AKAP13: variants seen among roughly 807,000 people sequenced by gnomAD.
AKAP13 encodes A-kinase anchoring protein 13.
Under a neutral mutation model 264.5 loss-of-function variants are expected in AKAP13, and 80 were observed. The ratio of observed to expected loss-of-function variants is 0.30; its 90% CI spans 0.25 to 0.36. The LOEUF (loss-of-function observed/expected upper bound fraction) is 0.36. Among genes scored for constraint, AKAP13 ranks in the 10% least tolerant of loss-of-function variants. The pLI is 1.00. For missense variants in AKAP13, 3,712 were observed against 3,435.2 expected (o/e 1.08, Z -2.01); for synonymous variants, 1,380 against 1,250.2 (o/e 1.10, Z -2.19).
At position 85,562,575 on chromosome 15, in the gene AKAP13, ATATATAT is replaced by A. The variant is rs1289541931; in HGVS notation, c.663-12555_663-12549del. On this transcript the variant is annotated intron_variant, in intron 5 of 36. Transcript: ENST00000394518. ...GTGAGAATCTGCCTCAAAAAAAAAA[ATATATAT>A]ATATATATATATATATATATATATC... is the stretch of plus-strand genomic sequence containing the variant. Among the ~76,000 whole-genome samples, 280 of 101,348 alleles carry A rather than the reference ATATATAT, an allele frequency of 2.8e-3. 1 individual carries two copies. The highest frequency in any genetic ancestry group is 6.1e-3 in the Middle Eastern group (1 of 164). The allele number at this position is 101,348 out of a possible 152,430, so 66.5% of individuals were successfully genotyped here.
At chr15:85,513,134 T>A (rs1279944832) in intron 2 of AKAP13, among the ~76,000 whole-genome samples, 2 of 152,160 alleles carry the variant, frequency 1.3e-5, no homozygotes, top group East Asian at 3.9e-4. Context: ...AATTTTAGTT[T>A]AGTGATAAAA....
intron 2 of AKAP13, among the ~76,000 whole-genome samples, chr15:85,516,815 CA>C (rs2076618650): frequency 6.6e-6 from 1 of 152,126 alleles, no homozygotes; most frequent in African/African-American, 2.4e-5. Flanking sequence ...ACAGATTTGA[CA>C]AGAGATGTGA....
intron 1 of AKAP13, among the ~76,000 whole-genome samples, chr15:85,427,765 G>A (rs967678595): frequency 9.9e-5 from 15 of 152,148 alleles, no homozygotes; most frequent in African/African-American, 3.6e-4. Context: ...TGGTTTAAGT[G>A]GAGCTTTTAG....
intron 26 of AKAP13, among the ~76,000 whole-genome samples, chr15:85,723,602 G>A (rs2087426625): frequency 6.6e-6 from 1 of 152,194 alleles, no homozygotes; most frequent in African/African-American, 2.4e-5. Flanking sequence ...TAAGATTGGT[G>A]CACATATGCA....
chr15:85,564,274 C>T (rs1041440571), intron 5 of AKAP13, among the ~76,000 whole-genome samples: 25 of 152,142 alleles, frequency 1.6e-4, no homozygotes, highest in Non-Finnish European at 1.5e-4. Context: ...AAGAAACGTG[C>T]AATGAACTCC....
In AKAP13 at chr15:85,414,026, A is replaced by T. The variant is rs77666369; in HGVS notation, c.-12+33228A>T. Among the ~76,000 whole-genome samples the T allele has an allele frequency of 1.3e-3, 194 of 152,294 alleles. 7 individuals are homozygous for T. The East Asian group carries it at 0.035, about 27-fold the overall frequency. ...TACCACCTCAGTGGAAATGGAAATG[A>T]GAGTACCTGTTATAGCCTGAAAAGC... is the stretch of plus-strand genomic sequence containing the variant. On this transcript the variant is annotated intron_variant, in intron 1 of 36. Coordinates refer to ENST00000394518, the MANE Select transcript of AKAP13 (RefSeq NM_007200.5).
At chr15:85,615,800 G>T (rs573169076) in intron 8 of AKAP13, among the ~76,000 whole-genome samples, 11 of 152,292 alleles carry the variant, frequency 7.2e-5, no homozygotes, top group Admixed American at 1.3e-4. Flanking sequence ...TATGGCATGT[G>T]ATAACTTCCT....
rs775672336 is a variant in AKAP13 at position 85,639,474 on chromosome 15, T to C, written c.4237+25T>C. 1.1e-5 allele frequency: 17 copies of C among 1,566,864 alleles called. 1 individual carries two copies. The Admixed American group carries it at 2.7e-4, about 25-fold the overall frequency. On this transcript the variant is annotated intron_variant, in intron 9 of 36. Coordinates refer to ENST00000394518, the MANE Select transcript of AKAP13 (RefSeq NM_007200.5). The stretch of plus-strand genomic sequence containing the variant: ...GGTAAGCTGAGATTATCCATTCATT[T>C]TCTGGAGCTGCAGCCCCACTCTGGC...
chr15:85,463,967 A>T (rs747607570), intron 1 of AKAP13, among the ~76,000 whole-genome samples: 25 of 152,308 alleles, frequency 1.6e-4, no homozygotes, highest in Non-Finnish European at 3.2e-4. Flanking sequence ...CTCAACAGCC[A>T]GGTAGTATGT....
Position 85,724,842 on chromosome 15 carries a change from G to T in AKAP13, c.6745+1522G>T, listed in dbSNP as rs1435299073. Among the ~76,000 whole-genome samples the T allele has an allele frequency of 6.6e-6, 1 of 151,890 alleles. No individual in the cohort carries two copies. The highest frequency in any genetic ancestry group is 2.4e-5 in the African/African-American group (1 of 41,336). On this transcript the variant is annotated intron_variant, in intron 26 of 36. Transcript: ENST00000394518. This position sits in a 1 kb window ranked among gnomAD's most constrained non-coding sequence, Gnocchi z 4.2. ...TGTAGCAGAAGGCATAAAAAAGAAGGGCAGAAAAGATTCAGAGAAAGAAAT... is the reference window on the plus strand; with the variant it reads ...TGTAGCAGAAGGCATAAAAAAGAAGTGCAGAAAAGATTCAGAGAAAGAAAT...
rs1241022459 is a variant in AKAP13 at position 85,746,299 on chromosome 15, GTGTGTT to G, written c.*1632_*1637del. On this transcript the variant is annotated 3_prime_UTR_variant, in exon 37 of 37. Coordinates refer to ENST00000394518, the MANE Select transcript of AKAP13 (RefSeq NM_007200.5). ...TACATTTGTTTTATTTATTGTATTT[GTGTGTT>G]TGTGTTTGTTTTTTTTTAAGGGTGA... 4 of 152,326 alleles carry G rather than the reference GTGTGTT, an allele frequency of 2.6e-5. No individual in the cohort carries two copies. Among genetic ancestry groups the G allele is most frequent in the South Asian group, 2.1e-4 (1 of 4,822 alleles). 9.4% of individuals were successfully genotyped at this position (152,326 alleles called of 1,614,324 possible).
At chr15:85,633,902 G>A (rs1432156108) in intron 8 of AKAP13, among the ~76,000 whole-genome samples, 5 of 152,038 alleles carry the variant, frequency 3.3e-5, no homozygotes, top group African/African-American at 1.2e-4. Context: ...TGGATAGGGT[G>A]TTGGTAAAGT....
intron 1 of AKAP13, among the ~76,000 whole-genome samples, chr15:85,392,251 AT>A (rs57208601): frequency 0.013 from 1,408 of 106,318 alleles, 6 homozygotes; most frequent in African/African-American, 0.027. Flanking sequence ...GCCCTTAATA[AT>A]TTTTTTTTTT....
chr15:85,502,569 T>G (rs1391493114), intron 2 of AKAP13, among the ~76,000 whole-genome samples: 2 of 152,196 alleles, frequency 1.3e-5, no homozygotes, highest in Admixed American at 6.5e-5. Context: ...CTTTAAAAAA[T>G]GTCGACACTT....
intron 1 of AKAP13, among the ~76,000 whole-genome samples, chr15:85,454,778 C>T (rs1332483391): frequency 6.6e-6 from 1 of 152,104 alleles, no homozygotes; most frequent in Non-Finnish European, 1.5e-5. Flanking sequence ...TTTCATCACC[C>T]CAGAACGAGA....
intron 1 of AKAP13, among the ~76,000 whole-genome samples, chr15:85,385,582 C>G (rs1297538817): frequency 1.3e-5 from 2 of 152,178 alleles, no homozygotes; most frequent in Non-Finnish European, 2.9e-5. Flanking sequence ...TGTTTTCTGT[C>G]TCCATGGTTT....
intron 3 of AKAP13, among the ~76,000 whole-genome samples, chr15:85,531,528 C>G (rs1035588849): frequency 6.6e-6 from 1 of 152,198 alleles, no homozygotes; most frequent in Non-Finnish European, 1.5e-5. Flanking sequence ...CTAACTGAAT[C>G]ATTTGGCTTG....
chr15:85,485,594 C>G (rs1475121173), intron 1 of AKAP13, 116 bp from the exon 2 acceptor site: 2 of 817,246 alleles, frequency 2.4e-6, no homozygotes, highest in Non-Finnish European at 4.1e-6. Context: ...ATATGGTAAT[C>G]TCGGGCACGG....
rs754780725 is a variant in AKAP13, at chr15:85,580,810, T to G, written c.2742T>G (p.Leu914=). Residue 914 remains leucine, a synonymous_variant, in exon 7 of 37, where the codon CTT becomes CTG. Coordinates refer to ENST00000394518, the MANE Select transcript of AKAP13 (RefSeq NM_007200.5). ...LDSVLTEEGK[L]LVVSESSAAQ... Reference sequence around the variant, plus strand: ...CAGTTTTGACTGAAGAAGGAAAACTTCTGGTGGTTTCAGAAAGCTCTGCAG... The same window carrying G: ...CAGTTTTGACTGAAGAAGGAAAACTGCTGGTGGTTTCAGAAAGCTCTGCAG... 8.1e-6 allele frequency: 13 copies of G among 1,613,952 alleles called. No individual in the cohort carries two copies. Among genetic ancestry groups the G allele is most frequent in the Non-Finnish European group, 1.0e-5 (12 of 1,180,036 alleles).
Sources: allele counts gnomAD v4.1 joint callset (sites outside exome capture counted in the v4.1 genomes callset), GRCh38; gene constraint gnomAD v4.1.1; non-coding constraint Gnocchi (gnomAD v3.1); transcripts MANE v1.5; gene names NCBI Gene and HGNC (gene_info 2026-07-23, HGNC 2026-07-21).